ATG2B: variants seen among roughly 807,000 people sequenced by gnomAD.
ATG2B encodes autophagy-related protein 2 homolog B.
Under a neutral mutation model 241.3 loss-of-function variants are expected in ATG2B, and 121 were observed. The ratio of observed to expected loss-of-function variants is 0.50; its 90% CI spans 0.43 to 0.58. ATG2B has a LOEUF of 0.58. Ranked by LOEUF, ATG2B falls within the 20% of genes least tolerant of loss-of-function variation. The probability of loss-of-function intolerance (pLI) is 0.00; values close to 1 mark genes in which losing one functional copy is unlikely to be tolerated. For synonymous variants in ATG2B, 858 were observed against 876.6 expected (o/e 0.98, Z 0.37); for missense variants, 2,306 against 2,491.6 (o/e 0.93, Z 1.59).
chr14:96,309,654 ACATTT>A lies in ATG2B; in HGVS notation c.4162-65_4162-61del, dbSNP rs1376505156. ...AATGCTCTTAAAAACCAAACTACTT[ACATTT>A]ATTTTATCCCAAAAATACATTACAT... On this transcript the variant is annotated intron_variant, in intron 28 of 41. Transcript: ENST00000359933. The A allele has an allele frequency of 4.1e-6, 6 of 1,478,396 alleles. No homozygotes were observed. In the Admixed American group the frequency reaches 1.0e-4, roughly 25 times the overall value. 91.6% of individuals were successfully genotyped at this position (1,478,396 alleles called of 1,614,324 possible).
chr14:96,332,270 C>A, intron 10 of ATG2B, 35 bp downstream of exon 10: 1 of 1,527,854 alleles, frequency 6.5e-7, no homozygotes, highest in Non-Finnish European at 9.0e-7. Context: ...AAAATTCCAG[C>A]GGAAACTAAC....
rs1359821967 is a variant in ATG2B at position 96,290,340 on chromosome 14, T to C, written c.5856+96A>G. On this transcript the variant is annotated intron_variant, in intron 40 of 41. Transcript: ENST00000359933. The surrounding 1 kb of genome is among the most constrained non-coding windows in gnomAD (Gnocchi z 4.4). ...ACGAATAAAGTATCTACTCACAACA[T>C]TTTGTATATCTTCACAGTATCGTTT... 5 of 1,451,692 alleles carry C rather than the reference T, an allele frequency of 3.4e-6. No individual in the cohort carries two copies. Among genetic ancestry groups the C allele is most frequent in the Non-Finnish European group, 4.6e-6 (5 of 1,076,820 alleles). 89.9% of individuals were successfully genotyped at this position (1,451,692 alleles called of 1,614,324 possible).
In ATG2B at chr14:96,332,535, T is replaced by G. The variant is rs1442291753; in HGVS notation, c.1328A>C (p.Asn443Thr). Residue 443 changes from asparagine to threonine, a missense_variant, in exon 9 of 42, where the codon AAT becomes ACT. By Grantham distance (65) the Asn-to-Thr change is moderately conservative (BLOSUM62 0). Around this residue, in one of 2 missense-constraint regions of ATG2B, gnomAD observed 1,927 missense variants for 2,011.2 expected, o/e 0.96. Coordinates refer to ENST00000359933, the MANE Select transcript of ATG2B (RefSeq NM_018036.7). ...ACTTAATGGAGATCCTGCTGGGGTA[T>G]TTGTATATGTACTAGTTAATGATAA... is the stretch of plus-strand genomic sequence containing the variant. ...LELSLTSTYT[N>T]TPAGSPLSAT... 1 of 1,610,564 alleles carries G rather than the reference T, an allele frequency of 6.2e-7. No individual in the cohort carries two copies. Among genetic ancestry groups the G allele is most frequent in the East Asian group, 2.2e-5 (1 of 44,848 alleles).
chr14:96,335,765 T>C (rs1403690018), intron 6 of ATG2B, among the ~76,000 whole-genome samples: 4 of 152,212 alleles, frequency 2.6e-5, no homozygotes, highest in African/African-American at 9.6e-5. Context: ...TGTTTCTAAC[T>C]ACATGCCAAA....
intron 23 of ATG2B, among the ~76,000 whole-genome samples, chr14:96,313,843 T>C (rs1887230927): frequency 6.6e-6 from 1 of 152,200 alleles, no homozygotes; most frequent in Admixed American, 6.5e-5. Context: ...ATGCATAATA[T>C]AATTTCATAT....
intron 1 of ATG2B, among the ~76,000 whole-genome samples, chr14:96,349,835 T>C (rs997277421): frequency 2.0e-5 from 3 of 152,056 alleles, no homozygotes; most frequent in Non-Finnish European, 4.4e-5. Context: ...AGGAGAGCCA[T>C]CTGGGTGGGA....
chr14:96,361,843 C>T (rs550061778), intron 1 of ATG2B, among the ~76,000 whole-genome samples: 5 of 152,030 alleles, frequency 3.3e-5, no homozygotes, highest in African/African-American at 7.3e-5. Context: ...AAATTATATA[C>T]TGATTTATAG....
At position 96,311,188 on chromosome 14, in the gene ATG2B, C is replaced by T. The variant is rs746833909; in HGVS notation, c.4090G>A (p.Ala1364Thr). 1 of 1,613,942 alleles carries T rather than the reference C, an allele frequency of 6.2e-7. No homozygotes were observed. Among genetic ancestry groups the T allele is most frequent in the Admixed American group, 1.7e-5 (1 of 59,996 alleles). ...GGTGTCTGCAAGTCACCATAGCTTG[C>T]AATGTACTGAATGAGATTCATTAAC... is the stretch of plus-strand genomic sequence containing the variant. The part of the protein sequence containing the change: ...AALMNLIQYI[A>T]SYGDLQTPNK... Residue 1364 changes from alanine to threonine, a missense_variant, in exon 28 of 42, where the codon GCA becomes ACA. By Grantham distance (58) the Ala-to-Thr change is moderately conservative (BLOSUM62 0). This residue lies in a region of ATG2B where 1,927 missense variants were observed against 2,011.2 expected (regional missense o/e 0.96). Transcript: ENST00000359933.
intron 1 of ATG2B, among the ~76,000 whole-genome samples, chr14:96,351,692 C>T (rs536065073): frequency 4.0e-5 from 6 of 150,950 alleles, no homozygotes; most frequent in East Asian, 3.9e-4. Flanking sequence ...GCCGAAATCG[C>T]GCCACTGCAC....
chr14:96,351,384 T>G (rs1888315804), intron 1 of ATG2B, among the ~76,000 whole-genome samples: 1 of 152,160 alleles, frequency 6.6e-6, no homozygotes, highest in South Asian at 2.1e-4. Context: ...GAAGGATTGC[T>G]TGAGTCCAGG....
intron 34 of ATG2B, among the ~76,000 whole-genome samples, chr14:96,301,495 T>C (rs745796488): frequency 3.9e-5 from 6 of 152,218 alleles, no homozygotes; most frequent in Admixed American, 6.5e-5. Context: ...AAGAATTTGA[T>C]GGGATGCCTG....
intron 2 of ATG2B, among the ~76,000 whole-genome samples, chr14:96,346,120 G>A (rs898440410): frequency 1.3e-5 from 2 of 152,106 alleles, no homozygotes; most frequent in African/African-American, 4.8e-5. Flanking sequence ...AAAATTAACA[G>A]GAAATGTGGC....
chr14:96,344,608 CAG>C, intron 4 of ATG2B, 44 bp downstream of exon 4: 1 of 1,044,772 alleles, frequency 9.6e-7, no homozygotes, highest in South Asian at 1.6e-5. Context: ...AATGTAATAT[CAG>C]AGTTACAATA....
rs558848061 is a variant in ATG2B, at chr14:96,284,915, A to G, written c.*840T>C. On this transcript the variant is annotated 3_prime_UTR_variant, in exon 42 of 42. Transcript: ENST00000359933. ...CCAATCTTCCCTTCCACACATTCCT[A>G]ACAAGCCTGCACTATACCTGCTTAA... The G allele has an allele frequency of 5.3e-5, 8 of 152,332 alleles. No individual in the cohort carries two copies. In the South Asian group the frequency reaches 1.7e-3, roughly 32 times the overall value. The allele number at this position is 152,332 out of a possible 1,614,324, so 9.4% of individuals were successfully genotyped here. A position where few individuals can be genotyped will look rare whatever the true frequency, so the allele number is the denominator to read the frequency against.
intron 37 of ATG2B, 158 bp from the exon 38 acceptor site, chr14:96,291,840 C>G (rs1326526816): frequency 3.3e-6 from 2 of 599,564 alleles, no homozygotes; most frequent in Admixed American, 3.5e-5. Context: ...TACATATGAC[C>G]CAATTTATAC....
intron 5 of ATG2B, among the ~76,000 whole-genome samples, chr14:96,342,069 G>C (rs1400183389): frequency 1.3e-5 from 2 of 152,116 alleles, no homozygotes; most frequent in Admixed American, 1.3e-4. Flanking sequence ...TCTTGGAAGG[G>C]ATTTAACAGA....
rs556985610 is a variant in ATG2B at position 96,330,148 on chromosome 14, G to T, written c.1731-514C>A. 2.0e-5 allele frequency among the ~76,000 whole-genome samples: 3 copies of T among 150,952 alleles called. No individual in the cohort carries two copies. The South Asian group carries it at 6.3e-4, about 32-fold the overall frequency. On this transcript the variant is annotated intron_variant, in intron 11 of 41. Transcript: ENST00000359933. ...GCGGATCACCTGAGGTCAGGACTTC[G>T]AGACCAGCCTGGCCAGTATGGTGAA...
intron 6 of ATG2B, among the ~76,000 whole-genome samples, chr14:96,339,785 TC>T (rs1825602656): frequency 6.6e-6 from 1 of 151,744 alleles, no homozygotes; most frequent in Admixed American, 6.6e-5. Context: ...CGTACACTGC[TC>T]AGGTGACAAG....
chr14:96,334,347 A>G, intron 7 of ATG2B, 58 bp downstream of exon 7: 1 of 1,076,000 alleles, frequency 9.3e-7, no homozygotes, highest in Non-Finnish European at 1.3e-6. Flanking sequence ...TACATATTTT[A>G]AAGTTTTTTA....
Sources: allele counts gnomAD v4.1 joint callset (sites outside exome capture counted in the v4.1 genomes callset), GRCh38; gene constraint gnomAD v4.1.1; regional missense constraint gnomAD v4.1.1; non-coding constraint Gnocchi (gnomAD v3.1); transcripts MANE v1.5; gene names NCBI Gene and HGNC (gene_info 2026-07-23, HGNC 2026-07-21).